PDE4D: variants seen among roughly 807,000 people sequenced by gnomAD.
PDE4D encodes the protein 3',5'-cyclic-AMP phosphodiesterase 4D.
PDE4D carries 24 observed loss-of-function variants against 87.4 expected under a neutral mutation model. The ratio of observed to expected loss-of-function variants is 0.27; its 90% CI spans 0.20 to 0.39. The LOEUF (loss-of-function observed/expected upper bound fraction) is 0.39, where lower values mean the gene tolerates loss of function less well. Ranked by LOEUF, PDE4D falls within the 10% of genes least tolerant of loss-of-function variation. The pLI is 1.00. For synonymous variants in PDE4D, 384 were observed against 383.2 expected (o/e 1.00, Z -0.02); for missense variants, 714 against 1,041.0 (o/e 0.69, Z 4.32).
At chr5:59,281,586 C>T (rs969034739) in intron 1 of PDE4D, among the ~76,000 whole-genome samples, 9 of 152,066 alleles carry the variant, frequency 5.9e-5, no homozygotes, top group Non-Finnish European at 1.0e-4. Context: ...GACATTTTAA[C>T]CCTTTCTAAG....
chr5:60,458,386 C>CTAA (rs1746647056), intron 1 of PDE4D, among the ~76,000 whole-genome samples: 1 of 75,186 alleles, frequency 1.3e-5, no homozygotes, highest in Non-Finnish European at 2.5e-5. Context: ...GACTTCATTG[C>CTAA]AAAAAAAAAA....
intron 1 of PDE4D, among the ~76,000 whole-genome samples, chr5:60,313,624 A>G (rs1755251473): frequency 6.6e-6 from 1 of 152,216 alleles, no homozygotes; most frequent in Non-Finnish European, 1.5e-5. Context: ...TGGAAGAAAC[A>G]GAAGAAGGAA....
intron 2 of PDE4D, among the ~76,000 whole-genome samples, chr5:60,162,865 G>C (rs2149465961): frequency 6.6e-6 from 1 of 152,074 alleles, no homozygotes; most frequent in East Asian, 1.9e-4. Context: ...TGGTACCACA[G>C]ACTTAGTTTG....
chr5:60,316,013 A>T lies in PDE4D; in HGVS notation c.-89-130326T>A, dbSNP rs565494978. Among the ~76,000 whole-genome samples, 11 of 152,266 alleles carry T rather than the reference A, an allele frequency of 7.2e-5. No homozygotes were observed. The South Asian group carries it at 2.1e-3, about 29-fold the overall frequency. On this transcript the variant is annotated intron_variant, in intron 1 of 16. Coordinates refer to the PDE4D transcript ENST00000502484. ...ATGAACTTTAAAGTAGTTTTTTCCAATTCTTTGAAGAAAGTCATTGGTAGC... is the reference window on the plus strand; with the variant it reads ...ATGAACTTTAAAGTAGTTTTTTCCATTTCTTTGAAGAAAGTCATTGGTAGC...
chr5:59,720,227 T>C (rs1280797130), intron 1 of PDE4D, among the ~76,000 whole-genome samples: 3 of 152,096 alleles, frequency 2.0e-5, no homozygotes, highest in South Asian at 2.1e-4. Context: ...AGTGGCATGA[T>C]TGTGGCCCGC....
intron 1 of PDE4D, among the ~76,000 whole-genome samples, chr5:59,410,567 A>T (rs1233280208): frequency 2.6e-5 from 4 of 152,110 alleles, no homozygotes; most frequent in African/African-American, 9.7e-5. Context: ...TTTTTATTTT[A>T]GTTACCAAAA....
chr5:59,755,734 A>G (rs1206331398), intron 1 of PDE4D, among the ~76,000 whole-genome samples: 1 of 152,122 alleles, frequency 6.6e-6, no homozygotes, highest in East Asian at 1.9e-4. Context: ...AATACTATTA[A>G]CCTAAAGAAG....
chr5:58,970,204 TCA>T lies in PDE4D; in HGVS notation c.*4458_*4459del, dbSNP rs1279292712. The T allele has an allele frequency of 6.6e-6, 1 of 152,106 alleles. No homozygotes were observed. Among genetic ancestry groups the T allele is most frequent in the African/African-American group, 2.4e-5 (1 of 41,444 alleles). 9.4% of individuals were successfully genotyped at this position (152,106 alleles called of 1,614,324 possible). A position where few individuals can be genotyped will look rare whatever the true frequency, so the allele number is the denominator to read the frequency against. On this transcript the variant is annotated 3_prime_UTR_variant, in exon 15 of 15. Coordinates refer to ENST00000340635, the MANE Select transcript of PDE4D (RefSeq NM_001104631.2). ...CTAAAAGAATAATCATTTGTAATTC[TCA>T]CACACAATTTACCACTCTGAAAATA... is the stretch of plus-strand genomic sequence containing the variant.
intron 1 of PDE4D, among the ~76,000 whole-genome samples, chr5:59,665,391 C>G (rs925011904): frequency 2.0e-5 from 3 of 152,190 alleles, no homozygotes; most frequent in Non-Finnish European, 4.4e-5. Context: ...TTCCTGTGAA[C>G]AGACTTTTTC....
intron 1 of PDE4D, among the ~76,000 whole-genome samples, chr5:60,448,889 A>G (rs1392414265): frequency 6.6e-6 from 1 of 152,150 alleles, no homozygotes; most frequent in African/African-American, 2.4e-5. Context: ...TTTATTTATG[A>G]TCCAAATATA....
intron 1 of PDE4D, among the ~76,000 whole-genome samples, chr5:60,301,598 C>T (rs1036902153): frequency 2.6e-5 from 4 of 152,124 alleles, no homozygotes; most frequent in African/African-American, 7.2e-5. Context: ...GATTAAGAAG[C>T]TTTTGGGCTG....
rs567757192 is a variant in PDE4D at position 60,115,686 on chromosome 5, T to G, written c.42+69871A>C. ...TGCTATTTAAATTCACGACTCTTTG[T>G]GTATTTTTTCTCTGTATTTCCAGAT... On this transcript the variant is annotated intron_variant, in intron 2 of 16. Transcript: ENST00000502484. Among the ~76,000 whole-genome samples, 3 of 152,224 alleles carry G rather than the reference T, an allele frequency of 2.0e-5. No individual in the cohort carries two copies. In the East Asian group the frequency reaches 5.8e-4, roughly 29 times the overall value.
intron 1 of PDE4D, among the ~76,000 whole-genome samples, chr5:59,651,759 A>G (rs1356278592): frequency 2.6e-5 from 4 of 152,284 alleles, no homozygotes; most frequent in African/African-American, 9.6e-5. Context: ...AAAGAAAAAA[A>G]GATAGAATAA....
At chr5:59,840,786 T>C (rs1332148780) in intron 1 of PDE4D, among the ~76,000 whole-genome samples, 2 of 152,080 alleles carry the variant, frequency 1.3e-5, no homozygotes, top group East Asian at 1.9e-4. Context: ...CTTTGTAATA[T>C]AGTGCTTTCT....
chr5:59,228,128 TA>T (rs2153515148), intron 1 of PDE4D, among the ~76,000 whole-genome samples: 1 of 152,312 alleles, frequency 6.6e-6, no homozygotes, highest in East Asian at 1.9e-4. Context: ...TACAGGCTAT[TA>T]TTTTTAGCAA....
chr5:60,415,264 A>C (rs539949124), intron 1 of PDE4D, among the ~76,000 whole-genome samples: 1 of 152,362 alleles, frequency 6.6e-6, no homozygotes, highest in African/African-American at 2.4e-5. Context: ...AAAACCTCCA[A>C]ACCACCTATT....
chr5:59,295,846 A>T (rs1768972943), intron 1 of PDE4D, among the ~76,000 whole-genome samples: 1 of 151,756 alleles, frequency 6.6e-6, no homozygotes, highest in Non-Finnish European at 1.5e-5. Flanking sequence ...AAGAAAAAAA[A>T]AACAAAAAAA....
At chr5:59,097,138 C>G (rs556253182) in intron 5 of PDE4D, among the ~76,000 whole-genome samples, 2 of 152,092 alleles carry the variant, frequency 1.3e-5, no homozygotes, top group African/African-American at 2.4e-5. Context: ...TGGCAAATGA[C>G]AAGGATTGTG....
intron 1 of PDE4D, among the ~76,000 whole-genome samples, chr5:59,836,925 T>C (rs1742207514): frequency 2.6e-5 from 4 of 151,988 alleles, no homozygotes; most frequent in Admixed American, 6.6e-5. Flanking sequence ...CCTCAGAGGC[T>C]CTTTGGCTCT....
Sources: allele counts gnomAD v4.1 joint callset (sites outside exome capture counted in the v4.1 genomes callset), GRCh38; gene constraint gnomAD v4.1.1; transcripts MANE v1.5; gene names NCBI Gene and HGNC (gene_info 2026-07-23, HGNC 2026-07-21).